PDZRN3: variants seen among roughly 807,000 people sequenced by gnomAD.
PDZRN3 encodes PDZ domain containing ring finger 3, also known as E3 ubiquitin-protein ligase PDZRN3.
A neutral mutation model predicts 85.7 loss-of-function variants in PDZRN3; 38 were observed. The ratio of observed to expected loss-of-function variants is 0.44; its 90% CI spans 0.34 to 0.58. The LOEUF (loss-of-function observed/expected upper bound fraction) is 0.58. Among genes scored for constraint, PDZRN3 ranks in the 20% least tolerant of loss-of-function variants. PDZRN3 has a pLI of 0.01. For missense variants in PDZRN3, 1,629 were observed against 1,506.4 expected, an observed-to-expected ratio of 1.08 and a Z score of -1.35; for synonymous variants, 759 against 638.0, an observed-to-expected ratio of 1.19 and a Z score of -2.86.
intron 3 of PDZRN3, among the ~76,000 whole-genome samples, chr3:73,480,681 T>C (rs1220130521): frequency 3.3e-5 from 5 of 152,164 alleles, no homozygotes; most frequent in African/African-American, 1.2e-4. Context: ...TTCCCCACCA[T>C]ACTGTGTGTT....
chr3:73,575,143 G>A (rs150069881), intron 3 of PDZRN3, among the ~76,000 whole-genome samples: 328 of 152,306 alleles, frequency 2.2e-3, no homozygotes, highest in African/African-American at 7.6e-3. Context: ...AGTAATGAAC[G>A]TAAGCAGCAT....
rs181546901 is a variant in PDZRN3 at position 73,540,495 on chromosome 3, T to A, written c.918+61859A>T. Reference sequence around the variant, plus strand: ...AATTATGGTTCCCATCATCCCCACGTATTGTGGGAGGGACTCAGTAGGCGG... The same window carrying A: ...AATTATGGTTCCCATCATCCCCACGAATTGTGGGAGGGACTCAGTAGGCGG... On this transcript the variant is annotated intron_variant, in intron 3 of 9. Coordinates refer to ENST00000263666, the MANE Select transcript of PDZRN3 (RefSeq NM_015009.3). Among the ~76,000 whole-genome samples, 5 of 152,254 alleles carry A rather than the reference T, an allele frequency of 3.3e-5. No homozygotes were observed. In the East Asian group the frequency reaches 9.6e-4, roughly 29 times the overall value.
intron 3 of PDZRN3, among the ~76,000 whole-genome samples, chr3:73,576,002 G>A (rs1372440932): frequency 6.6e-6 from 1 of 152,082 alleles, no homozygotes; most frequent in Non-Finnish European, 1.5e-5. Flanking sequence ...GAGGACAGGA[G>A]AAAAAGAGAG....
intron 1 of PDZRN3, among the ~76,000 whole-genome samples, chr3:73,611,485 T>C (rs991409130): frequency 5.3e-5 from 8 of 152,234 alleles, no homozygotes; most frequent in Admixed American, 5.2e-4. Flanking sequence ...GGTGTTCTTA[T>C]TTTCTATAAG....
chr3:73,414,859 G>T (rs145059558), intron 3 of PDZRN3, among the ~76,000 whole-genome samples: 306 of 152,288 alleles, frequency 2.0e-3, no homozygotes, highest in African/African-American at 7.0e-3. Flanking sequence ...AAACTAAAGA[G>T]TATGGCATGC....
chr3:73,485,063 A>T (rs1314758769), intron 3 of PDZRN3, among the ~76,000 whole-genome samples: 1 of 152,174 alleles, frequency 6.6e-6, no homozygotes, highest in African/African-American at 2.4e-5. Context: ...GCTTTTTATT[A>T]GTCTCAGTTC....
intron 1 of PDZRN3, among the ~76,000 whole-genome samples, chr3:73,616,926 C>T (rs1320737299): frequency 6.6e-6 from 1 of 152,160 alleles, no homozygotes; most frequent in Non-Finnish European, 1.5e-5. Context: ...TATTGCTGAT[C>T]CCAGGATATG....
intron 8 of PDZRN3, among the ~76,000 whole-genome samples, chr3:73,386,634 G>A (rs1253093468): frequency 1.3e-5 from 2 of 152,236 alleles, no homozygotes; most frequent in African/African-American, 4.8e-5. Context: ...TGAGAACACA[G>A]CCATGCTCAT....
intron 7 of PDZRN3, among the ~76,000 whole-genome samples, 182 bp downstream of exon 7, chr3:73,389,634 C>T (rs775446625): frequency 1.3e-5 from 2 of 152,134 alleles, no homozygotes; most frequent in African/African-American, 4.8e-5. Flanking sequence ...CTCCCTCTTG[C>T]GTCTTATGAC....
chr3:73,544,502 G>A (rs62247765), intron 3 of PDZRN3, among the ~76,000 whole-genome samples: 2 of 152,030 alleles, frequency 1.3e-5, no homozygotes, highest in African/African-American at 2.4e-5. Flanking sequence ...GATAGTAGGT[G>A]TATACACTGT....
At chr3:73,416,876 G>GTTTTTTTTTGGTT (rs1702095501) in intron 3 of PDZRN3, among the ~76,000 whole-genome samples, 1 of 110,404 alleles carries the variant, frequency 9.1e-6, no homozygotes, top group Non-Finnish European at 1.8e-5. Flanking sequence ...TTTTTTTTTG[G>GTTTTTTTTTGGTT]TTTTTTTTTT....
At chr3:73,619,209 G>A (rs1702813760) in intron 1 of PDZRN3, among the ~76,000 whole-genome samples, 1 of 152,198 alleles carries the variant, frequency 6.6e-6, no homozygotes, top group South Asian at 2.1e-4. Context: ...TTAGCAACCT[G>A]AAAAGTTTTG....
chr3:73,596,273 T>A (rs1702428844), intron 3 of PDZRN3, among the ~76,000 whole-genome samples: 1 of 152,094 alleles, frequency 6.6e-6, no homozygotes, highest in South Asian at 2.1e-4. Context: ...GAATACTACT[T>A]CTTATAGCGG....
chr3:73,481,191 T>C (rs954886432), intron 3 of PDZRN3, among the ~76,000 whole-genome samples: 1 of 152,240 alleles, frequency 6.6e-6, no homozygotes, highest in Non-Finnish European at 1.5e-5. Context: ...ACAAAGACTA[T>C]GTGCGGTCAT....
In PDZRN3 at chr3:73,382,682, G is replaced by C. The variant is rs1703258581; in HGVS notation, c.*683C>G. The C allele has an allele frequency of 6.6e-6, 1 of 152,532 alleles. No homozygotes were observed. The highest frequency in any genetic ancestry group is 2.1e-4 in the South Asian group (1 of 4,824). The allele number at this position is 152,532 out of a possible 1,614,324, so 9.4% of individuals were successfully genotyped here. A position where few individuals can be genotyped will look rare whatever the true frequency, so the allele number is the denominator to read the frequency against. ...CCTGTACATGCAAATTCTTTCAATGGGCTGCAATATTTGCAAACATGCTTT... is the reference window on the plus strand; with the variant it reads ...CCTGTACATGCAAATTCTTTCAATGCGCTGCAATATTTGCAAACATGCTTT... On this transcript the variant is annotated 3_prime_UTR_variant, in exon 10 of 10. Coordinates refer to ENST00000263666, the MANE Select transcript of PDZRN3 (RefSeq NM_015009.3).
At chr3:73,514,994 T>C (rs1464582074) in intron 3 of PDZRN3, among the ~76,000 whole-genome samples, 2 of 152,084 alleles carry the variant, frequency 1.3e-5, no homozygotes, top group Non-Finnish European at 2.9e-5. Flanking sequence ...CATACCTGAT[T>C]GTAAAACAAA....
intron 3 of PDZRN3, among the ~76,000 whole-genome samples, chr3:73,431,853 T>C (rs956182556): frequency 4.0e-5 from 6 of 151,612 alleles, no homozygotes; most frequent in Admixed American, 1.3e-4. Context: ...GGCAGTCGTG[T>C]GTGTGTGTTT....
At chr3:73,410,119 A>G (rs1306426412) in intron 3 of PDZRN3, among the ~76,000 whole-genome samples, 1 of 152,218 alleles carries the variant, frequency 6.6e-6, no homozygotes, top group African/African-American at 2.4e-5. Context: ...ATTCACTGGA[A>G]GCAATAGACG....
At chr3:73,538,635 T>C (rs148616550) in intron 3 of PDZRN3, among the ~76,000 whole-genome samples, 41 of 152,356 alleles carry the variant, frequency 2.7e-4, no homozygotes, top group African/African-American at 9.6e-4. Flanking sequence ...TCCTGGTTTT[T>C]CCTTATGTCA....
Sources: allele counts gnomAD v4.1 joint callset (sites outside exome capture counted in the v4.1 genomes callset), GRCh38; gene constraint gnomAD v4.1.1; transcripts MANE v1.5; gene names NCBI Gene and HGNC (gene_info 2026-07-23, HGNC 2026-07-21).